Variants in RAP1GDS1 observed in about 807,000 individuals in gnomAD.
The protein encoded by RAP1GDS1 is Rap1 GTPase-GDP dissociation stimulator 1, also known as RAP1, GTP-GDP dissociation stimulator 1.
Under a neutral mutation model 71.1 loss-of-function variants are expected in RAP1GDS1, and 35 were observed. The ratio of observed to expected loss-of-function variants is 0.49; its 90% CI spans 0.38 to 0.65. RAP1GDS1 has a LOEUF of 0.65. Among genes scored for constraint, RAP1GDS1 ranks in the 30% least tolerant of loss-of-function variants. RAP1GDS1 has a pLI of 0.00. For missense variants in RAP1GDS1, 663 were observed against 706.1 expected (o/e 0.94, Z 0.69); for synonymous variants, 229 against 243.1 (o/e 0.94, Z 0.54).
At chr4:98,266,399 G>T (rs1722718996) in intron 1 of RAP1GDS1, among the ~76,000 whole-genome samples, 1 of 152,006 alleles carries the variant, frequency 6.6e-6, no homozygotes, top group Non-Finnish European at 1.5e-5. Context: ...GTGAATTTGA[G>T]ACTTCTTTAG....
At chr4:98,370,996 A>G (rs1250986320) in intron 4 of RAP1GDS1, among the ~76,000 whole-genome samples, 2 of 152,232 alleles carry the variant, frequency 1.3e-5, no homozygotes, top group Non-Finnish European at 2.9e-5. Flanking sequence ...TTAAAACTTA[A>G]TAAGCATCTG....
intron 12 of RAP1GDS1, among the ~76,000 whole-genome samples, chr4:98,431,625 T>C (rs995588796): frequency 6.6e-6 from 1 of 152,216 alleles, no homozygotes; most frequent in Non-Finnish European, 1.5e-5. Flanking sequence ...TTACCACTTA[T>C]TTATTGTCTG....
intron 7 of RAP1GDS1, among the ~76,000 whole-genome samples, chr4:98,406,333 T>C (rs1224315330): frequency 4.0e-5 from 6 of 151,896 alleles, no homozygotes; most frequent in Non-Finnish European, 8.8e-5. Context: ...ATTTAAAAGA[T>C]TGAGAATAAT....
chr4:98,275,769 C>T (rs945836211), intron 1 of RAP1GDS1, among the ~76,000 whole-genome samples: 3 of 152,098 alleles, frequency 2.0e-5, no homozygotes. Flanking sequence ...TGCAACTGTT[C>T]CTAAAATCTG....
At chr4:98,418,861 A>T (rs555841965) in intron 10 of RAP1GDS1, 70 bp downstream of exon 10, 1 of 1,401,316 alleles carries the variant, frequency 7.1e-7, no homozygotes, top group African/African-American at 1.5e-5. Flanking sequence ...TATTAACTGT[A>T]TGTGATTTGT....
At chr4:98,429,935 A>G (rs771174080) in intron 12 of RAP1GDS1, among the ~76,000 whole-genome samples, 2 of 152,114 alleles carry the variant, frequency 1.3e-5, no homozygotes, top group African/African-American at 4.8e-5. Flanking sequence ...ATTCATGGAC[A>G]CAAAAATATG....
rs150633267 is a variant in RAP1GDS1 at position 98,369,708 on chromosome 4, C to T, written c.362-9309C>T. ...CAGAGGTGGAGGGAAAGATGGCTTA[C>T]GAAAGGACTTGAGGATTCTTTTGGT... On this transcript the variant is annotated intron_variant, in intron 4 of 14. Coordinates refer to ENST00000408927, the MANE Select transcript of RAP1GDS1 (RefSeq NM_001100427.2). Among the ~76,000 whole-genome samples the T allele has an allele frequency of 5.2e-3, 788 of 152,022 alleles. 6 individuals carry two copies. Among genetic ancestry groups the T allele is most frequent in the African/African-American group, 7.3e-3 (301 of 41,480 alleles).
At chr4:98,372,654 A>G (rs569991522) in intron 4 of RAP1GDS1, among the ~76,000 whole-genome samples, 1 of 152,160 alleles carries the variant, frequency 6.6e-6, no homozygotes, top group South Asian at 2.1e-4. Flanking sequence ...TCATTTTTAC[A>G]TATGTTAGAA....
At chr4:98,354,647 C>T (rs1578560254) in intron 4 of RAP1GDS1, among the ~76,000 whole-genome samples, 1 of 152,012 alleles carries the variant, frequency 6.6e-6, no homozygotes, top group South Asian at 2.1e-4. Context: ...TAGTATTTAT[C>T]ATATCTATTT....
chr4:98,323,453 G>A (rs1209490061), intron 2 of RAP1GDS1, among the ~76,000 whole-genome samples: 3 of 103,908 alleles, frequency 2.9e-5, no homozygotes, highest in African/African-American at 4.1e-5. Flanking sequence ...ACCAAAGCCG[G>A]GCAGAGACAC....
intron 2 of RAP1GDS1, among the ~76,000 whole-genome samples, chr4:98,334,770 C>A (rs571688308): frequency 6.6e-6 from 1 of 151,206 alleles, no homozygotes; most frequent in Non-Finnish European, 1.5e-5. Flanking sequence ...ATACTTAAGT[C>A]GTTAGTTGTC....
chr4:98,415,189 C>A (rs1747758631), intron 7 of RAP1GDS1, among the ~76,000 whole-genome samples: 1 of 152,142 alleles, frequency 6.6e-6, no homozygotes, highest in Non-Finnish European at 1.5e-5. Flanking sequence ...TCTGCCTGAC[C>A]CTGCAGGCAG....
chr4:98,308,949 C>T (rs1432163884), intron 2 of RAP1GDS1, among the ~76,000 whole-genome samples: 2 of 151,774 alleles, frequency 1.3e-5, no homozygotes, highest in African/African-American at 2.4e-5. Flanking sequence ...CTTACAAGGT[C>T]GTATTATATC....
At chr4:98,417,948 G>A (rs1281543392) in intron 9 of RAP1GDS1, among the ~76,000 whole-genome samples, 1 of 151,972 alleles carries the variant, frequency 6.6e-6, no homozygotes, top group African/African-American at 2.4e-5. Flanking sequence ...TGTTTCAGGG[G>A]GCGCCAGACT....
At chr4:98,428,993 T>C (rs933665611) in intron 12 of RAP1GDS1, among the ~76,000 whole-genome samples, 1 of 152,000 alleles carries the variant, frequency 6.6e-6, no homozygotes, top group African/African-American at 2.4e-5. Context: ...GCATGGTGGC[T>C]CACGCCTGTA....
intron 2 of RAP1GDS1, among the ~76,000 whole-genome samples, chr4:98,325,721 A>G (rs1337203843): frequency 1.6e-4 from 23 of 141,602 alleles, no homozygotes; most frequent in African/African-American, 5.2e-4. Context: ...GAATTGAACA[A>G]TGAGATCACA....
chr4:98,262,758 G>A (rs1419100835), intron 1 of RAP1GDS1, among the ~76,000 whole-genome samples: 1 of 152,198 alleles, frequency 6.6e-6, no homozygotes, highest in Non-Finnish European at 1.5e-5. Flanking sequence ...TCAGAGTTAG[G>A]TGGTGCAACT....
At chr4:98,338,309 T>C (rs1486644759) in intron 2 of RAP1GDS1, among the ~76,000 whole-genome samples, 1 of 152,132 alleles carries the variant, frequency 6.6e-6, no homozygotes, top group Non-Finnish European at 1.5e-5. Flanking sequence ...TTGATTTTGA[T>C]TTTGTTAAAT....
At chr4:98,392,312 T>C in intron 6 of RAP1GDS1, 1 of 370,190 alleles carries the variant, frequency 2.7e-6, no homozygotes, top group Non-Finnish European at 4.8e-6. Context: ...ATATTAATGT[T>C]TAAAGCTCAC....
Sources: gnomAD v4.1 joint callset for allele counts (sites outside exome capture counted in the v4.1 genomes callset) on GRCh38, gnomAD v4.1.1 for gene constraint, MANE v1.5 for transcripts, NCBI Gene and HGNC (gene_info 2026-07-23, HGNC 2026-07-21) for gene names.